PRKCQ: variants seen among roughly 807,000 people sequenced by gnomAD.
The protein encoded by PRKCQ is protein kinase C theta.
A neutral mutation model predicts 91.2 loss-of-function variants in PRKCQ; 41 were observed. The observed-to-expected ratio is 0.45, with a 90% CI of 0.35 to 0.58. The LOEUF (loss-of-function observed/expected upper bound fraction) is 0.58. Ranked by LOEUF, PRKCQ falls within the 20% of genes least tolerant of loss-of-function variation. PRKCQ has a pLI of 0.00. For missense variants in PRKCQ, 673 were observed against 896.5 expected, an observed-to-expected ratio of 0.75 and a Z score of 3.18; for synonymous variants, 307 against 316.9, an observed-to-expected ratio of 0.97 and a Z score of 0.33.
At chr10:6,546,474 G>A in intron 1 of PRKCQ, among the ~76,000 whole-genome samples, 1 of 152,152 alleles carries the variant, frequency 6.6e-6, no homozygotes, top group Non-Finnish European at 1.5e-5. Context: ...GTTATACTTA[G>A]GTATTTTACT....
intron 1 of PRKCQ, among the ~76,000 whole-genome samples, chr10:6,517,084 T>C (rs1838793678): frequency 6.6e-6 from 1 of 152,144 alleles, no homozygotes; most frequent in Admixed American, 6.5e-5. Flanking sequence ...TAGGTATTTG[T>C]GTGGTAATCT....
intron 7 of PRKCQ, among the ~76,000 whole-genome samples, chr10:6,494,145 G>A (rs527256195): frequency 9.2e-5 from 14 of 152,254 alleles, no homozygotes; most frequent in African/African-American, 3.1e-4. Context: ...TGCAGTCTAA[G>A]GGAAGCGCCT....
intron 10 of PRKCQ, among the ~76,000 whole-genome samples, chr10:6,484,868 T>G (rs1212751030): frequency 6.6e-6 from 1 of 152,210 alleles, no homozygotes; most frequent in African/African-American, 2.4e-5. Flanking sequence ...TTTATTTCTG[T>G]GAAACCATTT....
intron 1 of PRKCQ, among the ~76,000 whole-genome samples, chr10:6,548,615 C>T (rs2130929746): frequency 6.8e-6 from 1 of 147,582 alleles, no homozygotes; most frequent in South Asian, 2.2e-4. Flanking sequence ...TCATCATTCT[C>T]AGTAAACTAT....
chr10:6,499,741 A>G (rs1436653722), intron 4 of PRKCQ, among the ~76,000 whole-genome samples: 1 of 152,218 alleles, frequency 6.6e-6, no homozygotes, highest in African/African-American at 2.4e-5. Flanking sequence ...ATTCAAACTA[A>G]ATTTCTTCTA....
chr10:6,499,533 T>C (rs1440908374), intron 4 of PRKCQ, among the ~76,000 whole-genome samples: 1 of 152,022 alleles, frequency 6.6e-6, no homozygotes, highest in African/African-American at 2.4e-5. Flanking sequence ...GAAATAAAAA[T>C]ATCCACTGCT....
intron 14 of PRKCQ, 111 bp from the exon 15 acceptor site, chr10:6,456,923 G>A (rs775659211): frequency 2.4e-5 from 27 of 1,126,930 alleles, no homozygotes; most frequent in Non-Finnish European, 3.3e-5. Context: ...AGGGGCTCAC[G>A]AGAGGCGCTT....
intron 1 of PRKCQ, among the ~76,000 whole-genome samples, chr10:6,572,351 C>G (rs909515275): frequency 6.6e-6 from 1 of 152,140 alleles, no homozygotes; most frequent in African/African-American, 2.4e-5. Flanking sequence ...GCCCCACATG[C>G]ATTAGCTACT....
At chr10:6,454,794 A>G (rs1444428163) in intron 15 of PRKCQ, among the ~76,000 whole-genome samples, 1 of 152,158 alleles carries the variant, frequency 6.6e-6, no homozygotes, top group Admixed American at 6.6e-5. Flanking sequence ...ACAGTCATCA[A>G]TGAAGTTGCT....
rs774345124 is a variant in PRKCQ at position 6,486,144 on chromosome 10, G to T, written c.791C>A (p.Ala264Glu). ...GLARQGLKCDACGMNVHHRCQ... is the reference protein window; with the variant it reads ...GLARQGLKCDECGMNVHHRCQ... The stretch of plus-strand genomic sequence containing the variant: ...TCTATGATGCACATTCATGCCACAT[G>T]CTGGAAGGAAGAAGGCAGATAGTGA... Residue 264 changes from alanine (A) to glutamate (E), a missense_variant and splice_region_variant, in exon 9 of 18, where the codon GCA (alanine) becomes GAA (glutamate). Physicochemically the swap from Ala to Glu is moderately radical, Grantham distance 107. Transcript: ENST00000263125. 6.2e-7 allele frequency: 1 copy of T among 1,613,300 alleles called. No homozygotes were observed. Among genetic ancestry groups the T allele is most frequent in the Non-Finnish European group, 8.5e-7 (1 of 1,179,276 alleles).
chr10:6,462,930 G>T (rs1262553305), intron 13 of PRKCQ, among the ~76,000 whole-genome samples: 2 of 151,656 alleles, frequency 1.3e-5, no homozygotes, highest in Non-Finnish European at 2.9e-5. Context: ...ACTTGAACCT[G>T]GGAGGCAGAG....
At chr10:6,487,553 A>G (rs146185848) in intron 8 of PRKCQ, among the ~76,000 whole-genome samples, 148 of 152,296 alleles carry the variant, frequency 9.7e-4, no homozygotes, top group African/African-American at 3.1e-3. Context: ...CAGGGTGAGT[A>G]TTCTGATTCA....
chr10:6,404,587 CTTTT>C, the PRKCQ span, among the ~76,000 whole-genome samples: 9 of 107,896 alleles, frequency 8.3e-5, no homozygotes, highest in South Asian at 1.9e-3. Context: ...TTCTTTCTTT[CTTTT>C]TTTCTCTCTC....
At chr10:6,439,931 C>T (rs1470752087) in intron 16 of PRKCQ, among the ~76,000 whole-genome samples, 1 of 151,948 alleles carries the variant, frequency 6.6e-6, no homozygotes, top group Non-Finnish European at 1.5e-5. Flanking sequence ...GCTTTGTGTC[C>T]CCACCCAGAA....
In PRKCQ at chr10:6,505,898, G is replaced by A. The variant is rs183340872; in HGVS notation, c.379+1538C>T. Among the ~76,000 whole-genome samples, 44 of 152,126 alleles carry A rather than the reference G, an allele frequency of 2.9e-4. No individual in the cohort carries two copies. In the South Asian group the frequency reaches 8.7e-3, roughly 30 times the overall value. ...TGAGCTCAAGTGATCTGCCCACCTC[G>A]GCCTCCCAAAGTACTGGAATTACAG... On this transcript the variant is annotated intron_variant, in intron 4 of 17. Coordinates refer to ENST00000263125, the MANE Select transcript of PRKCQ (RefSeq NM_006257.5).
At chr10:6,560,524 C>T (rs1485161755) in intron 1 of PRKCQ, among the ~76,000 whole-genome samples, 2 of 152,242 alleles carry the variant, frequency 1.3e-5, no homozygotes, top group South Asian at 2.1e-4. Flanking sequence ...GAAAGTGTGG[C>T]GACTTTGTCT....
chr10:6,404,439 T>C, the PRKCQ span, among the ~76,000 whole-genome samples: 1 of 141,506 alleles, frequency 7.1e-6, no homozygotes, highest in Admixed American at 6.9e-5. Context: ...TTTCTCTCTT[T>C]CTTTCTCTTT....
chr10:6,396,402 C>T, the PRKCQ span, among the ~76,000 whole-genome samples: 3 of 152,308 alleles, frequency 2.0e-5, no homozygotes, highest in Middle Eastern at 3.4e-3. Flanking sequence ...TTCATTACTC[C>T]GCAAAGAGCC....
intron 16 of PRKCQ, among the ~76,000 whole-genome samples, chr10:6,438,870 T>C (rs1833825066): frequency 6.6e-6 from 1 of 152,148 alleles, no homozygotes; most frequent in East Asian, 1.9e-4. Flanking sequence ...AGGGCGAGGG[T>C]TCCAGGCATG....
Sources: gnomAD v4.1 joint callset for allele counts (sites outside exome capture counted in the v4.1 genomes callset) on GRCh38, gnomAD v4.1.1 for gene constraint, MANE v1.5 for transcripts, NCBI Gene and HGNC (gene_info 2026-07-23, HGNC 2026-07-21) for gene names.